Variants in MAMDC2 observed in about 807,000 individuals in gnomAD.
The protein encoded by MAMDC2 is MAM domain-containing protein 2.
In MAMDC2, 57 loss-of-function variants were observed where a neutral mutation model predicts 89.8. The observed-to-expected ratio is 0.63, with a 90% CI of 0.51 to 0.79. The LOEUF (loss-of-function observed/expected upper bound fraction) is 0.79. MAMDC2 is among the 30% of genes least tolerant of loss of function. The pLI is 0.00. For missense variants in MAMDC2, 800 were observed against 820.6 expected (o/e 0.97, Z 0.31); for synonymous variants, 313 against 293.4 (o/e 1.07, Z -0.68).
At chr9:70,148,621 A>G (rs1427836471) in intron 9 of MAMDC2, among the ~76,000 whole-genome samples, 1 of 150,312 alleles carries the variant, frequency 6.7e-6, no homozygotes, top group Non-Finnish European at 1.5e-5. Flanking sequence ...AGGGCCAGGC[A>G]TGGTGGCTCA....
chr9:70,118,446 C>T (rs748383212), intron 5 of MAMDC2, among the ~76,000 whole-genome samples: 2 of 152,064 alleles, frequency 1.3e-5, no homozygotes, highest in African/African-American at 2.4e-5. Flanking sequence ...ATTTGAAAAG[C>T]TCTGCCCATA....
chr9:70,093,587 G>A (rs557376493), intron 2 of MAMDC2, among the ~76,000 whole-genome samples: 4 of 151,648 alleles, frequency 2.6e-5, no homozygotes, highest in South Asian at 4.2e-4. Context: ...CACCATGCCC[G>A]GCTAATTTTT....
intron 11 of MAMDC2, among the ~76,000 whole-genome samples, chr9:70,209,133 T>C (rs1321778695): frequency 6.6e-6 from 1 of 152,248 alleles, no homozygotes; most frequent in East Asian, 1.9e-4. Context: ...ATCAGGATGA[T>C]GTTGGCCTCA....
rs148773992 is a variant in MAMDC2 at position 70,095,724 on chromosome 9, G to A, written c.149-12487G>A. On this transcript the variant is annotated intron_variant, in intron 2 of 13. Coordinates refer to ENST00000377182, the MANE Select transcript of MAMDC2 (RefSeq NM_153267.5). The stretch of plus-strand genomic sequence containing the variant: ...TACCTCTGTATAAACGAAGCTGGAA[G>A]GCATGGGAGAAGTCAGTTAAGTAAT... Among the ~76,000 whole-genome samples, 111 of 152,334 alleles carry A rather than the reference G, an allele frequency of 7.3e-4. 1 individual carries two copies. The highest frequency in any genetic ancestry group is 3.4e-3 in the Middle Eastern group (1 of 294).
chr9:70,069,859 G>A (rs1447703453), intron 2 of MAMDC2, among the ~76,000 whole-genome samples: 2 of 152,146 alleles, frequency 1.3e-5, no homozygotes, highest in Non-Finnish European at 2.9e-5. Flanking sequence ...CTAGGACATC[G>A]TTTTCATGTC....
chr9:70,092,516 C>T (rs1827925925), intron 2 of MAMDC2: 1 of 152,156 alleles, frequency 6.6e-6, no homozygotes, highest in South Asian at 2.1e-4. Context: ...GCAGGCAGGA[C>T]ATGGTATTAG....
intron 2 of MAMDC2, among the ~76,000 whole-genome samples, chr9:70,061,032 A>T (rs1827138885): frequency 1.3e-5 from 2 of 152,028 alleles, no homozygotes; most frequent in South Asian, 4.2e-4. Flanking sequence ...GCTGGCCCTA[A>T]TTTTCATGCA....
chr9:70,106,024 C>T (rs181721066), intron 2 of MAMDC2: 1 of 152,342 alleles, frequency 6.6e-6, no homozygotes, highest in East Asian at 1.9e-4. Flanking sequence ...TTCTCAAAGA[C>T]CAGTAGCAAC....
At chr9:70,076,153 T>C (rs1827526169) in intron 2 of MAMDC2, among the ~76,000 whole-genome samples, 1 of 152,172 alleles carries the variant, frequency 6.6e-6, no homozygotes, top group Non-Finnish European at 1.5e-5. Context: ...CTGGGTGTGG[T>C]GGCTCACGCC....
At chr9:70,048,267 G>A in intron 2 of MAMDC2, among the ~76,000 whole-genome samples, 1 of 152,112 alleles carries the variant, frequency 6.6e-6, no homozygotes, top group East Asian at 1.9e-4. Flanking sequence ...GAAGGGATCT[G>A]TTTTTGTTTT....
At chr9:70,088,270 AG>A (rs1827815706) in intron 2 of MAMDC2, 2 of 152,260 alleles carry the variant, frequency 1.3e-5, no homozygotes, top group Admixed American at 1.3e-4. Flanking sequence ...TCCTAGGTGA[AG>A]AAAGGTAAGA....
intron 2 of MAMDC2, among the ~76,000 whole-genome samples, chr9:70,099,980 A>AAGAGAGAGAGAGAGAGAGAGAG (rs60292765): frequency 6.9e-5 from 8 of 115,638 alleles, no homozygotes; most frequent in South Asian, 3.3e-4. Context: ...GCCAAAAAGA[A>AAGAGAGAGAGAGAGAGAGAGAG]AGAGAGAGAG....
At chr9:70,053,624 C>T (rs996721253) in intron 2 of MAMDC2, among the ~76,000 whole-genome samples, 1 of 152,152 alleles carries the variant, frequency 6.6e-6, no homozygotes, top group African/African-American at 2.4e-5. Context: ...GGAAGGTTGT[C>T]AGTTAGCTCT....
chr9:70,085,715 T>C (rs1319305330), intron 2 of MAMDC2: 1 of 152,106 alleles, frequency 6.6e-6, no homozygotes, highest in Non-Finnish European at 1.5e-5. Flanking sequence ...TCTCCTAAGA[T>C]TGATTACCCT....
At chr9:70,045,330 A>T (rs979665821) in intron 2 of MAMDC2, among the ~76,000 whole-genome samples, 6 of 152,148 alleles carry the variant, frequency 3.9e-5, no homozygotes, top group Non-Finnish European at 7.3e-5. Context: ...TTGGGTCCCA[A>T]GGACAAAGTT....
chr9:70,095,750 T>C (rs375753961), intron 2 of MAMDC2, among the ~76,000 whole-genome samples: 2 of 152,176 alleles, frequency 1.3e-5, no homozygotes, highest in Admixed American at 6.5e-5. Flanking sequence ...GTTAAGTAAT[T>C]TGGATGCCTA....
intron 4 of MAMDC2, among the ~76,000 whole-genome samples, chr9:70,110,955 G>T (rs1257958521): frequency 6.6e-6 from 1 of 152,138 alleles, no homozygotes; most frequent in Non-Finnish European, 1.5e-5. Context: ...TATTCTGAAC[G>T]ACAACAACAA....
At chr9:70,200,179 T>G (rs2033072025) in intron 11 of MAMDC2, among the ~76,000 whole-genome samples, 3 of 152,124 alleles carry the variant, frequency 2.0e-5, no homozygotes, top group Admixed American at 1.3e-4. Context: ...GTTTTTACGG[T>G]TTTAGGTCTA....
chr9:70,213,255 C>T (rs934704293), intron 11 of MAMDC2, among the ~76,000 whole-genome samples: 1 of 152,164 alleles, frequency 6.6e-6, no homozygotes, highest in East Asian at 1.9e-4. Flanking sequence ...GGCCCTTAGT[C>T]TCTACTTTCC....
Sources: gnomAD v4.1 joint callset for allele counts (sites outside exome capture counted in the v4.1 genomes callset) on GRCh38, gnomAD v4.1.1 for gene constraint, MANE v1.5 for transcripts, NCBI Gene and HGNC (gene_info 2026-07-23, HGNC 2026-07-21) for gene names.